Variants in MGAT5 observed in about 807,000 individuals in gnomAD.
MGAT5 encodes alpha-1,6-mannosylglycoprotein 6-beta-N-acetylglucosaminyltransferase, also known as alpha-1,6-mannosylglycoprotein 6-beta-N-acetylglucosaminyltransferase A.
Under a neutral mutation model 94.3 loss-of-function variants are expected in MGAT5, and 30 were observed. That is an observed-to-expected ratio of 0.32 (90% CI 0.24 to 0.43). MGAT5 has a LOEUF of 0.43. Among genes scored for constraint, MGAT5 ranks in the 20% least tolerant of loss-of-function variants. MGAT5 has a pLI of 1.00. For synonymous variants in MGAT5, 310 were observed against 322.9 expected, an observed-to-expected ratio of 0.96 and a Z score of 0.43; for missense variants, 691 against 905.5, an observed-to-expected ratio of 0.76 and a Z score of 3.04.
intron 1 of MGAT5, among the ~76,000 whole-genome samples, chr2:134,143,047 A>C (rs1445619368): frequency 2.0e-5 from 3 of 152,142 alleles, no homozygotes; most frequent in African/African-American, 7.2e-5. Context: ...GCCCTCCTCA[A>C]GGAGGCTGGG....
chr2:134,224,481 T>G (rs1325248011), intron 1 of MGAT5, among the ~76,000 whole-genome samples: 1 of 152,188 alleles, frequency 6.6e-6, no homozygotes, highest in Admixed American at 6.5e-5. Context: ...TAGCTTTTAC[T>G]TAAACACTGT....
At chr2:134,150,868 C>T (rs923408245) in intron 1 of MGAT5, among the ~76,000 whole-genome samples, 2 of 152,110 alleles carry the variant, frequency 1.3e-5, no homozygotes, top group African/African-American at 2.4e-5. Flanking sequence ...AGTTATGTGA[C>T]GAATGTCTTC....
intron 1 of MGAT5, among the ~76,000 whole-genome samples, chr2:134,136,648 G>T (rs1253378616): frequency 6.6e-6 from 1 of 152,116 alleles, no homozygotes; most frequent in Non-Finnish European, 1.5e-5. Context: ...GATTTCCTCT[G>T]CAGTCCTGTG....
chr2:134,307,045 T>C (rs1020375495), intron 2 of MGAT5, among the ~76,000 whole-genome samples: 4 of 152,260 alleles, frequency 2.6e-5, no homozygotes, highest in African/African-American at 9.6e-5. Flanking sequence ...GATCTACTGT[T>C]TGGAGATTTA....
chr2:134,266,929 T>C (rs1447026452), intron 1 of MGAT5, among the ~76,000 whole-genome samples: 1 of 152,212 alleles, frequency 6.6e-6, no homozygotes, highest in Non-Finnish European at 1.5e-5. Context: ...TCCGTCTTCA[T>C]TTTAAGGGAG....
chr2:134,265,269 T>C (rs900553174), intron 1 of MGAT5, among the ~76,000 whole-genome samples: 2 of 152,184 alleles, frequency 1.3e-5, no homozygotes, highest in African/African-American at 4.8e-5. Context: ...AGCTGATAGA[T>C]CTATAAACCT....
intron 3 of MGAT5, 31 bp downstream of exon 3, chr2:134,317,636 T>C (rs1687073485): frequency 2.8e-6 from 4 of 1,404,820 alleles, no homozygotes; most frequent in Non-Finnish European, 3.8e-6. Context: ...ATCCCCAATC[T>C]GCACAAACAC....
intron 9 of MGAT5, among the ~76,000 whole-genome samples, chr2:134,350,951 G>C (rs545838463): frequency 9.9e-5 from 15 of 152,068 alleles, no homozygotes; most frequent in Non-Finnish European, 1.9e-4. Context: ...TTCCCATGTG[G>C]TTGCCCCTCC....
intron 10 of MGAT5, among the ~76,000 whole-genome samples, chr2:134,385,165 A>G (rs1681892604): frequency 6.6e-6 from 1 of 152,242 alleles, no homozygotes; most frequent in Non-Finnish European, 1.5e-5. Context: ...GTTATGAACC[A>G]AAGTGACTTA....
At chr2:134,189,602 G>GTTTTGTTTTGTTTTGTTTTGTT (rs1553490380) in intron 1 of MGAT5, among the ~76,000 whole-genome samples, 1 of 84,672 alleles carries the variant, frequency 1.2e-5, no homozygotes, top group Admixed American at 1.3e-4. Flanking sequence ...GTTTTTTTTT[G>GTTTTGTTTTGTTTTGTTTTGTT]TTTTTTTTTT....
intron 2 of MGAT5, among the ~76,000 whole-genome samples, chr2:134,296,730 G>GA (rs918558003): frequency 3.2e-3 from 485 of 151,158 alleles, no homozygotes; most frequent in African/African-American, 0.011. Flanking sequence ...ATTTGATTAG[G>GA]AAAAAAAATA....
At chr2:134,286,382 T>C (rs892462508) in intron 2 of MGAT5, among the ~76,000 whole-genome samples, 1 of 152,120 alleles carries the variant, frequency 6.6e-6, no homozygotes, top group Admixed American at 6.6e-5. Flanking sequence ...CCTCATCCTG[T>C]AATAGTTTTC....
chr2:134,438,057 T>C (rs1685270046), intron 14 of MGAT5, among the ~76,000 whole-genome samples: 1 of 151,144 alleles, frequency 6.6e-6, no homozygotes, highest in Non-Finnish European at 1.5e-5. Flanking sequence ...ATCCCTAATC[T>C]GAAAATCCAA....
At chr2:134,418,004 G>A (rs907944549) in intron 12 of MGAT5, among the ~76,000 whole-genome samples, 1 of 151,938 alleles carries the variant, frequency 6.6e-6, no homozygotes, top group African/African-American at 2.4e-5. Flanking sequence ...AAAAGTAGCT[G>A]AGATTAAGTT....
rs139528183 is a variant in MGAT5, at chr2:134,443,116, G to A, written c.2027+1201G>A. Among the ~76,000 whole-genome samples, 587 of 152,306 alleles carry A rather than the reference G, an allele frequency of 3.9e-3. 7 individuals carry two copies. The highest frequency in any genetic ancestry group is 0.013 in the African/African-American group (557 of 41,570). On this transcript the variant is annotated intron_variant, in intron 15 of 15. Coordinates refer to ENST00000281923, the MANE Select transcript of MGAT5 (RefSeq NM_002410.5). ...GTATAAAACCCTTCGTAGGGAGAGT[G>A]TGTGGCCTCTTGTGTCCTGCCTGCT...
At chr2:134,353,929 C>T (rs1332933524) in intron 9 of MGAT5, among the ~76,000 whole-genome samples, 1 of 152,126 alleles carries the variant, frequency 6.6e-6, no homozygotes, top group African/African-American at 2.4e-5. Context: ...TGTTTTCCAG[C>T]GCCTGCCCAC....
rs565875830 is a variant in MGAT5, at chr2:134,315,125, T to C, written c.407-2404T>C. ...CTGGGGCGTTGCTTGCAGGCCTTCA[T>C]GCACCTGTTAGTTTATTTTCTCATT... On this transcript the variant is annotated intron_variant, in intron 2 of 15. Transcript: ENST00000281923. 2.1e-3 allele frequency among the ~76,000 whole-genome samples: 314 copies of C among 152,342 alleles called. 1 individual carries two copies. Among genetic ancestry groups the C allele is most frequent in the African/African-American group, 7.3e-3 (305 of 41,584 alleles).
At chr2:134,236,829 C>T (rs1282069719) in intron 1 of MGAT5, among the ~76,000 whole-genome samples, 2 of 151,962 alleles carry the variant, frequency 1.3e-5, no homozygotes, top group Non-Finnish European at 2.9e-5. Flanking sequence ...TGTCTTGTAC[C>T]CTCAGTGTTT....
intron 9 of MGAT5, among the ~76,000 whole-genome samples, chr2:134,357,595 T>TA (rs1679827039): frequency 1.3e-5 from 2 of 152,238 alleles, no homozygotes; most frequent in African/African-American, 2.4e-5. Context: ...TTTTGGCCTT[T>TA]AACTTGAATC....
Sources: gnomAD v4.1 joint callset for allele counts (sites outside exome capture counted in the v4.1 genomes callset) on GRCh38, gnomAD v4.1.1 for gene constraint, MANE v1.5 for transcripts, NCBI Gene and HGNC (gene_info 2026-07-23, HGNC 2026-07-21) for gene names.